Variants in NAV1 observed in about 807,000 individuals in gnomAD.
The protein encoded by NAV1 is pore membrane and/or filament interacting like protein 3.
A neutral mutation model predicts 175.2 loss-of-function variants in NAV1; 18 were observed. That is an observed-to-expected ratio of 0.10 (90% CI 0.07 to 0.15). The LOEUF (loss-of-function observed/expected upper bound fraction) is 0.15, where lower values mean the gene tolerates loss of function less well. Ranked by LOEUF, NAV1 falls within the 10% of genes least tolerant of loss-of-function variation. The pLI is 1.00. For synonymous variants in NAV1, 897 were observed against 978.7 expected (o/e 0.92, Z 1.56); for missense variants, 1,731 against 2,436.6 (o/e 0.71, Z 6.10).
intron 1 of NAV1, among the ~76,000 whole-genome samples, chr1:201,624,767 T>C (rs1571851160): frequency 6.6e-6 from 1 of 152,316 alleles, no homozygotes; most frequent in East Asian, 1.9e-4. Flanking sequence ...TTAAGTATCT[T>C]CCTGACTAAA....
chr1:201,714,219 A>G (rs1415445368), intron 2 of NAV1, among the ~76,000 whole-genome samples: 1 of 152,096 alleles, frequency 6.6e-6, no homozygotes, highest in Non-Finnish European at 1.5e-5. Context: ...CCAACTCACT[A>G]CCTTTCAGTC....
intron 2 of NAV1, among the ~76,000 whole-genome samples, chr1:201,598,300 A>C (rs544516735): frequency 3.9e-5 from 6 of 152,240 alleles, no homozygotes; most frequent in Non-Finnish European, 7.3e-5. Context: ...TAAAACTTGA[A>C]GATAAAGAAT....
chr1:201,695,443 T>G (rs1671150141), intron 1 of NAV1, among the ~76,000 whole-genome samples: 1 of 152,310 alleles, frequency 6.6e-6, no homozygotes, highest in African/African-American at 2.4e-5. Flanking sequence ...TTCCCAGAAC[T>G]CCAACACATT....
intron 1 of NAV1, among the ~76,000 whole-genome samples, chr1:201,660,215 G>A (rs916786144): frequency 6.6e-6 from 1 of 152,210 alleles, no homozygotes; most frequent in Non-Finnish European, 1.5e-5. Context: ...GAGCAGGCAG[G>A]CCAGTGCTGC....
At chr1:201,741,259 T>G (rs993767051) in intron 3 of NAV1, among the ~76,000 whole-genome samples, 3 of 152,202 alleles carry the variant, frequency 2.0e-5, no homozygotes, top group African/African-American at 7.2e-5. Flanking sequence ...AGGAGCCCCT[T>G]GGAAGCCAGA....
At chr1:201,666,365 A>G (rs1035450500) in intron 1 of NAV1, among the ~76,000 whole-genome samples, 2 of 151,472 alleles carry the variant, frequency 1.3e-5, no homozygotes, top group Admixed American at 1.3e-4. Context: ...AAAAAAAAAT[A>G]AATCATATAT....
At position 201,810,708 on chromosome 1, in the gene NAV1, G is replaced by A; in HGVS notation, c.4747G>A (p.Val1583Ile). 6.2e-7 allele frequency: 1 copy of A among 1,614,100 alleles called. No homozygotes were observed. Among genetic ancestry groups the A allele is most frequent in the Non-Finnish European group, 8.5e-7 (1 of 1,180,014 alleles). Reference sequence around the variant, plus strand: ...CCTGGTGGAGCGCTCTGGCCGTGAGGTCACAGAGGGCATCGTCAGCACCTT... The same window carrying A: ...CCTGGTGGAGCGCTCTGGCCGTGAGATCACAGAGGGCATCGTCAGCACCTT... The change falls in exon 24 of 30, where the codon GTC becomes ATC. Residue 1583 changes from valine (V) to isoleucine (I), a missense_variant. Transcript: ENST00000367296. This position sits in a 1 kb window ranked among gnomAD's most constrained non-coding sequence, Gnocchi z 6.0.
At position 201,563,038 on chromosome 1, in the gene NAV1, A is replaced by G. The variant is rs116811640; in HGVS notation, c.-144+23696A>G. 3.7e-3 allele frequency among the ~76,000 whole-genome samples: 567 copies of G among 152,312 alleles called. 5 individuals are homozygous for G. The highest frequency in any genetic ancestry group is 0.013 in the African/African-American group (520 of 41,584). The stretch of plus-strand genomic sequence containing the variant: ...TTTGCCAGAGTGGGTGGTTATGAGT[A>G]TTTAGAGTGGCCTGAGCCTCCCAAT... On this transcript the variant is annotated intron_variant, in intron 1 of 33. Coordinates refer to the NAV1 transcript ENST00000685211.
At chr1:201,552,399 T>C (rs138098921) in intron 1 of NAV1, among the ~76,000 whole-genome samples, 2 of 152,214 alleles carry the variant, frequency 1.3e-5, no homozygotes, top group African/African-American at 4.8e-5. Context: ...AAAGGGAATG[T>C]CCTTTCCCTT....
intron 2 of NAV1, among the ~76,000 whole-genome samples, chr1:201,592,637 G>T (rs1223587989): frequency 6.6e-6 from 1 of 152,132 alleles, no homozygotes; most frequent in Non-Finnish European, 1.5e-5. Flanking sequence ...GGCTTCCTGG[G>T]GGGAGGTGGT....
At chr1:201,815,010 A>T (rs1353954795) in intron 28 of NAV1, among the ~76,000 whole-genome samples, 3 of 149,112 alleles carry the variant, frequency 2.0e-5, no homozygotes, top group African/African-American at 7.4e-5. Context: ...ACTGCACTCC[A>T]GCCTGGGTGA....
intron 1 of NAV1, among the ~76,000 whole-genome samples, chr1:201,576,886 GA>G (rs1315632534): frequency 6.6e-6 from 1 of 152,182 alleles, no homozygotes; most frequent in Non-Finnish European, 1.5e-5. Context: ...AATTGCTAAT[GA>G]TTTTGAATTT....
intron 2 of NAV1, among the ~76,000 whole-genome samples, chr1:201,608,437 C>T (rs1667752823): frequency 6.6e-6 from 1 of 152,202 alleles, no homozygotes; most frequent in Non-Finnish European, 1.5e-5. Context: ...CAGCCTCGGT[C>T]TAACCTCCTG....
intron 1 of NAV1, among the ~76,000 whole-genome samples, chr1:201,550,141 T>G (rs1665811749): frequency 6.6e-6 from 1 of 151,986 alleles, no homozygotes; most frequent in Non-Finnish European, 1.5e-5. Context: ...TGCTAAATAT[T>G]TGTTGTAATT....
Position 201,623,744 on chromosome 1 carries a change from G to C in NAV1, c.-101+138G>C, listed in dbSNP as rs1668243289. 6.0e-6 allele frequency: 5 copies of C among 828,748 alleles called. No individual in the cohort carries two copies. In the South Asian group the frequency reaches 2.7e-4, roughly 46 times the overall value. The allele number at this position is 828,748 out of a possible 1,614,324, so 51.3% of individuals were successfully genotyped here. A position where few individuals can be genotyped will look rare whatever the true frequency, so the allele number is the denominator to read the frequency against. On this transcript the variant is annotated intron_variant, in intron 1 of 29. Transcript: ENST00000367302. ...CCCCAGGCGATACAAAAAGAAGTTA[G>C]GTAGGTGGAGGCCTACAGAGTTGGG...
chr1:201,773,032 C>CAA (rs5780087), intron 3 of NAV1, among the ~76,000 whole-genome samples: 2,767 of 97,642 alleles, frequency 0.028, 42 homozygotes, highest in Middle Eastern at 0.056. Flanking sequence ...GATTCCATCT[C>CAA]AAAAAAAAAA....
At chr1:201,790,562 G>T (rs779654838) in exon 12 of NAV1, 6 of 1,614,098 alleles carry the variant, frequency 3.7e-6, no homozygotes, top group Non-Finnish European at 4.2e-6. Context: ...AGGCTGAGGA[G>T]AGGATGCAAT....
intron 3 of NAV1, among the ~76,000 whole-genome samples, chr1:201,747,008 A>G (rs900242633): frequency 2.1e-5 from 3 of 144,256 alleles, no homozygotes; most frequent in Non-Finnish European, 4.7e-5. Flanking sequence ...AAAAAAAAAA[A>G]TGAAGAAATT....
intron 2 of NAV1, among the ~76,000 whole-genome samples, chr1:201,717,393 G>A (rs1453126422): frequency 1.3e-5 from 2 of 152,140 alleles, no homozygotes; most frequent in African/African-American, 4.8e-5. Context: ...AGGCTGATTT[G>A]GGCTGGCCCC....
Sources: gnomAD v4.1 joint callset for allele counts (sites outside exome capture counted in the v4.1 genomes callset) on GRCh38, gnomAD v4.1.1 for gene constraint, Gnocchi (gnomAD v3.1) non-coding constraint, MANE v1.5 for transcripts, NCBI Gene and HGNC (gene_info 2026-07-23, HGNC 2026-07-21) for gene names.